The following HNRNPUL1 variants were observed in gnomAD, a reference collection of about 807,000 sequenced individuals.
HNRNPUL1 encodes the protein heterogeneous nuclear ribonucleoprotein U like 1.
HNRNPUL1 carries 14 observed loss-of-function variants against 108.5 expected under a neutral mutation model. The observed-to-expected ratio is 0.13, with a 90% confidence interval of 0.09 to 0.20. The LOEUF (loss-of-function observed/expected upper bound fraction) is 0.20, where lower values mean the gene tolerates loss of function less well. Among genes scored for constraint, HNRNPUL1 ranks in the 10% least tolerant of loss-of-function variants. The probability of loss-of-function intolerance (pLI) is 1.00; values close to 1 mark genes in which losing one functional copy is unlikely to be tolerated. For synonymous variants in HNRNPUL1, 422 were observed against 445.2 expected (o/e 0.95, Z 0.66); for missense variants, 804 against 1,168.3 (o/e 0.69, Z 4.55).
Position 41,264,513 on chromosome 19 carries a change from C to A in HNRNPUL1, c.10C>A (p.Arg4Ser), listed in dbSNP as rs2034682875. The A allele has an allele frequency of 2.1e-6, 3 of 1,428,496 alleles. No homozygotes were observed. In the East Asian group the frequency reaches 8.6e-5, roughly 41 times the overall value. 88.5% of individuals were successfully genotyped at this position (1,428,496 alleles called of 1,614,324 possible). Residue 4 changes from arginine (R) to serine (S), a missense_variant, in exon 1 of 15, where the codon CGC (arginine) becomes AGC (serine). Around this residue, in one of 4 missense-constraint regions of HNRNPUL1, gnomAD observed 256 missense variants for 261.6 expected, o/e 0.98. Coordinates refer to ENST00000392006, the MANE Select transcript of HNRNPUL1 (RefSeq NM_007040.6). ...CCCGGGGGCCCGGGCCATGGATGTG[C>A]GCCGTCTGAAGGTGAACGAACTTCG... MDV[R>S]RLKVNELREE...
At chr19:41,295,232 C>T (rs912445193) in intron 10 of HNRNPUL1, among the ~76,000 whole-genome samples, 3 of 152,188 alleles carry the variant, frequency 2.0e-5, no homozygotes, top group Admixed American at 6.5e-5. Flanking sequence ...TTCACAAATA[C>T]GTATGACTGG....
chr19:41,303,609 C>T (rs1194117263), intron 12 of HNRNPUL1, among the ~76,000 whole-genome samples: 3 of 152,116 alleles, frequency 2.0e-5, no homozygotes, highest in Non-Finnish European at 4.4e-5. Flanking sequence ...CCGCCTTAGC[C>T]TCCCAGAGTG....
chr19:41,304,237 C>T lies in HNRNPUL1; in HGVS notation c.2238C>T (p.Thr746=), dbSNP rs752456640. The T allele has an allele frequency of 7.4e-6, 12 of 1,611,422 alleles. No individual in the cohort carries two copies. The highest frequency in any genetic ancestry group is 4.5e-5 in the East Asian group (2 of 44,826). The change falls in exon 13 of 15, where the codon ACC becomes ACT. Residue 746 remains threonine, a synonymous_variant. Coordinates refer to ENST00000392006, the MANE Select transcript of HNRNPUL1 (RefSeq NM_007040.6). ...CAAGCGCCAATACCAGCACCCCCAC[C>T]GTCAGCAGCTACAGCCCTCCACAGG... The part of the protein sequence containing the change: ...PGSSANTSTP[T]VSSYSPPQPS...
At position 41,304,229 on chromosome 19, in the gene HNRNPUL1, A is replaced by G; in HGVS notation, c.2230A>G (p.Thr744Ala). The part of the protein sequence containing the change: ...NIPGSSANTS[T>A]PTVSSYSPPQ... Reference sequence around the variant, plus strand: ...CCCTGGCTCAAGCGCCAATACCAGCACCCCCACCGTCAGCAGCTACAGCCC... The same window carrying G: ...CCCTGGCTCAAGCGCCAATACCAGCGCCCCCACCGTCAGCAGCTACAGCCC... Residue 744 changes from threonine to alanine, a missense_variant, in exon 13 of 15, where the codon ACC (threonine) becomes GCC (alanine). Physicochemically the swap from Thr to Ala is moderately conservative, Grantham distance 58. Coordinates refer to ENST00000392006, the MANE Select transcript of HNRNPUL1 (RefSeq NM_007040.6). 6.2e-7 allele frequency: 1 copy of G among 1,611,474 alleles called. No individual in the cohort carries two copies.
rs1199478127 is a variant in HNRNPUL1 at position 41,306,694 on chromosome 19, C to T, written c.*129C>T. The T allele has an allele frequency of 4.2e-6, 2 of 479,456 alleles. No homozygotes were observed. Among genetic ancestry groups the T allele is most frequent in the Non-Finnish European group, 7.2e-6 (2 of 279,456 alleles). 29.7% of individuals were successfully genotyped at this position (479,456 alleles called of 1,614,324 possible). ...GGGTCATCCCAGGGCTGCCTCCCTC[C>T]AGCCCACTGCCTCCCCTCTGAGGGG... On this transcript the variant is annotated 3_prime_UTR_variant, in exon 15 of 15. Transcript: ENST00000392006.
intron 1 of HNRNPUL1, chr19:41,265,015 C>T (rs2034728224): frequency 7.7e-7 from 1 of 1,295,354 alleles, no homozygotes; most frequent in Non-Finnish European, 9.8e-7. Context: ...GGAGGGGCCT[C>T]TGGGTTTCGG....
At chr19:41,301,782 C>T (rs997591591) in intron 11 of HNRNPUL1, 78 bp downstream of exon 11, 2 of 1,286,028 alleles carry the variant, frequency 1.6e-6, no homozygotes, top group African/African-American at 3.0e-5. Flanking sequence ...GTTTGTCCTT[C>T]CCTGGCTCCC....
chr19:41,281,200 G>A lies in HNRNPUL1; in HGVS notation c.924G>A (p.Gly308=), dbSNP rs1316534617. 3 of 1,614,164 alleles carry A rather than the reference G, an allele frequency of 1.9e-6. No individual in the cohort carries two copies. Among genetic ancestry groups the A allele is most frequent in the South Asian group, 2.2e-5 (2 of 91,092 alleles). Reference sequence around the variant, plus strand: ...TCTCCTATGGCTATGGAGGCACTGGGAAGAAGTCCACCAATAGCCGGTTTG... The same window carrying A: ...TCTCCTATGGCTATGGAGGCACTGGAAAGAAGTCCACCAATAGCCGGTTTG... ...EPFSYGYGGT[G]KKSTNSRFEN... is the part of the protein sequence containing the mutation. The change falls in exon 7 of 15, where the codon GGG becomes GGA. Residue 308 remains glycine (G), a synonymous_variant. Coordinates refer to ENST00000392006, the MANE Select transcript of HNRNPUL1 (RefSeq NM_007040.6).
At chr19:41,265,095 A>T in intron 1 of HNRNPUL1, 1 of 1,412,582 alleles carries the variant, frequency 7.1e-7, no homozygotes, top group Non-Finnish European at 9.2e-7. Context: ...TGCTTTCTGG[A>T]GCCGAAGAGA....
chr19:41,290,137 G>T (rs2122778870), intron 7 of HNRNPUL1, among the ~76,000 whole-genome samples: 1 of 152,262 alleles, frequency 6.6e-6, no homozygotes, highest in South Asian at 2.1e-4. Context: ...GGGTGCTTCT[G>T]TCGCTTCTTG....
At chr19:41,285,626 T>C (rs774182829) in intron 7 of HNRNPUL1, among the ~76,000 whole-genome samples, 4 of 152,114 alleles carry the variant, frequency 2.6e-5, no homozygotes, top group Non-Finnish European at 4.4e-5. Context: ...ATGATGAAAA[T>C]CCTTTTTCTA....
rs553512118 is a variant in HNRNPUL1, at chr19:41,292,006, A to C, written c.1000-239A>C. The stretch of plus-strand genomic sequence containing the variant: ...AAAAAAAAAAAAACAAAAAAAAAAA[A>C]CTCTTGCTTACTTGCTTCATATCCA... On this transcript the variant is annotated intron_variant, in intron 7 of 14. Transcript: ENST00000392006. This position sits in a 1 kb window ranked among gnomAD's most constrained non-coding sequence, Gnocchi z 4.1. 1.7e-5 allele frequency: 9 copies of C among 521,828 alleles called. No homozygotes were observed. The highest frequency in any genetic ancestry group is 5.2e-4 in the Middle Eastern group (1 of 1,916). 32.3% of individuals were successfully genotyped at this position (521,828 alleles called of 1,614,324 possible).
chr19:41,288,960 G>A (rs1417179141), intron 7 of HNRNPUL1, among the ~76,000 whole-genome samples: 1 of 152,104 alleles, frequency 6.6e-6, no homozygotes, highest in Non-Finnish European at 1.5e-5. Flanking sequence ...ATTCTTGTGG[G>A]AATGTAGTTG....
intron 2 of HNRNPUL1, among the ~76,000 whole-genome samples, chr19:41,270,028 G>T (rs1231570584): frequency 6.6e-6 from 1 of 152,014 alleles, no homozygotes; most frequent in East Asian, 1.9e-4. Flanking sequence ...TGTTCCCCAG[G>T]CTGGAGGGCG....
chr19:41,265,360 G>GA, intron 1 of HNRNPUL1: 1 of 709,286 alleles, frequency 1.4e-6, no homozygotes, highest in Non-Finnish European at 2.2e-6. Flanking sequence ...GGGTGGGTGG[G>GA]AGAGGTGGAG....
chr19:41,279,264 C>T (rs1476510335), intron 6 of HNRNPUL1, 88 bp downstream of exon 6: 9 of 898,028 alleles, frequency 1.0e-5, no homozygotes, highest in African/African-American at 3.3e-5. Flanking sequence ...CCTTTTCCAG[C>T]GTCAGACTTA....
At chr19:41,276,097 C>T in intron 4 of HNRNPUL1, 62 bp from the exon 5 acceptor site, 1 of 1,606,468 alleles carries the variant, frequency 6.2e-7, no homozygotes, top group South Asian at 1.1e-5. Flanking sequence ...GAGTGAAACT[C>T]CGTCTCAAGA....
chr19:41,285,617 T>C (rs1032284220), intron 7 of HNRNPUL1, among the ~76,000 whole-genome samples: 10 of 152,222 alleles, frequency 6.6e-5, no homozygotes, highest in Admixed American at 2.6e-4. Flanking sequence ...AAGGTGTGGA[T>C]GATGAAAATC....
At chr19:41,304,307 T>C (rs1301449113) in intron 13 of HNRNPUL1, 46 bp downstream of exon 13, 3 of 1,540,090 alleles carry the variant, frequency 1.9e-6, no homozygotes, top group Admixed American at 4.0e-5. Context: ...GCACGTGTGC[T>C]TTTGAACCTG....
Sources: gnomAD v4.1 joint callset for allele counts (sites outside exome capture counted in the v4.1 genomes callset) on GRCh38, gnomAD v4.1.1 for gene constraint, gnomAD v4.1.1 regional missense constraint, Gnocchi (gnomAD v3.1) non-coding constraint, MANE v1.5 for transcripts, NCBI Gene and HGNC (gene_info 2026-07-23, HGNC 2026-07-21) for gene names.